ERN1: variants seen among roughly 807,000 people sequenced by gnomAD.
The protein encoded by ERN1 is serine/threonine-protein kinase/endoribonuclease IRE1.
ERN1 carries 39 observed loss-of-function variants against 113.1 expected under a neutral mutation model. The observed-to-expected ratio is 0.34, with a 90% confidence interval of 0.27 to 0.45. The LOEUF is 0.45. Ranked by LOEUF, ERN1 falls within the 20% of genes least tolerant of loss-of-function variation. ERN1 has a pLI of 1.00. For synonymous variants in ERN1, 507 were observed against 515.9 expected, an observed-to-expected ratio of 0.98 and a Z score of 0.23; for missense variants, 976 against 1,274.8, an observed-to-expected ratio of 0.77 and a Z score of 3.57.
At chr17:64,126,947 A>C (rs964314775) in intron 1 of ERN1, among the ~76,000 whole-genome samples, 1 of 152,202 alleles carries the variant, frequency 6.6e-6, no homozygotes, top group Non-Finnish European at 1.5e-5. Context: ...TTTGCCTCAC[A>C]TTGTACTGAT....
chr17:64,109,081 A>T (rs1337917743), intron 1 of ERN1, among the ~76,000 whole-genome samples: 1 of 151,912 alleles, frequency 6.6e-6, no homozygotes, highest in Non-Finnish European at 1.5e-5. Flanking sequence ...CTGAGATCGC[A>T]CCATTGCACT....
intron 6 of ERN1, among the ~76,000 whole-genome samples, chr17:64,069,623 GC>G (rs926346568): frequency 6.6e-6 from 1 of 152,136 alleles, no homozygotes; most frequent in African/African-American, 2.4e-5. Flanking sequence ...AATTACTAAG[GC>G]CCAATGTGTG....
At chr17:64,068,341 C>A in intron 6 of ERN1, 50 bp from the exon 7 acceptor site, 1 of 1,286,682 alleles carries the variant, frequency 7.8e-7, no homozygotes, top group South Asian at 1.3e-5. Context: ...GCCATAGTAC[C>A]TACTGAGGTG....
At chr17:64,090,882 G>A (rs1331939554) in intron 2 of ERN1, among the ~76,000 whole-genome samples, 3 of 152,146 alleles carry the variant, frequency 2.0e-5, no homozygotes, top group African/African-American at 4.8e-5. Flanking sequence ...ATTTGGATAT[G>A]TTTTAAACCG....
chr17:64,043,757 C>T lies in ERN1; in HGVS notation c.*231G>A, dbSNP rs1263321392. ...GGCCCTCCTTTGCAGACATCATGAC[C>T]GTAAGGCTTTTGGGGCCAGCATCTT... is the stretch of plus-strand genomic sequence containing the variant. On this transcript the variant is annotated 3_prime_UTR_variant, in exon 22 of 22. Transcript: ENST00000433197. 1.4e-5 allele frequency: 6 copies of T among 438,212 alleles called. No individual in the cohort carries two copies. Among genetic ancestry groups the T allele is most frequent in the Admixed American group, 4.0e-5 (1 of 24,716 alleles). The allele number at this position is 438,212 out of a possible 1,614,324, so 27.1% of individuals were successfully genotyped here. A position where few individuals can be genotyped will look rare whatever the true frequency, so the allele number is the denominator to read the frequency against.
At chr17:64,118,564 C>T (rs375328722) in intron 1 of ERN1, among the ~76,000 whole-genome samples, 1 of 152,202 alleles carries the variant, frequency 6.6e-6, no homozygotes. Context: ...ATTCAAAGAG[C>T]GGGCTCCCAA....
chr17:64,068,813 G>A (rs1435680814), intron 6 of ERN1, among the ~76,000 whole-genome samples: 1 of 152,186 alleles, frequency 6.6e-6, no homozygotes. Flanking sequence ...GCCATGATGA[G>A]CATGACTATT....
intron 11 of ERN1, among the ~76,000 whole-genome samples, chr17:64,059,277 C>T (rs1912976435): frequency 6.6e-6 from 1 of 152,216 alleles, no homozygotes; most frequent in African/African-American, 2.4e-5. Flanking sequence ...TCTACAATTT[C>T]CTTTGTCTCT....
In ERN1 at chr17:64,055,730, G is replaced by A. The variant is rs762971982; in HGVS notation, c.1617C>T (p.Ser539=). The A allele has an allele frequency of 4.1e-5, 66 of 1,611,238 alleles. No individual in the cohort carries two copies. In the African/African-American group the frequency reaches 4.9e-4, roughly 12 times the overall value. ...SPRASNHSLC[S]GSSASKAGSS... Reference sequence around the variant, plus strand: ...TGCCAGCCTTGGAGGCAGAGCTGCCGGAGCAGAGCGAGTGGTTGGAGGCCC... The same window carrying A: ...TGCCAGCCTTGGAGGCAGAGCTGCCAGAGCAGAGCGAGTGGTTGGAGGCCC... Residue 539 remains serine, a synonymous_variant, in exon 13 of 22, where the codon TCC becomes TCT. Coordinates refer to ENST00000433197, the MANE Select transcript of ERN1 (RefSeq NM_001433.5).
chr17:64,062,724 T>C (rs1913092123), intron 10 of ERN1, among the ~76,000 whole-genome samples: 2 of 152,360 alleles, frequency 1.3e-5, no homozygotes, highest in Admixed American at 6.5e-5. Flanking sequence ...AGCAGCCTTG[T>C]AATTGCAATG....
Position 64,108,093 on chromosome 17 carries a change from T to C in ERN1, c.55-9852A>G, listed in dbSNP as rs776770196. 1.2e-4 allele frequency among the ~76,000 whole-genome samples: 19 copies of C among 152,198 alleles called. 1 individual carries two copies. Among genetic ancestry groups the C allele is most frequent in the Non-Finnish European group, 1.6e-4 (11 of 68,026 alleles). On this transcript the variant is annotated intron_variant, in intron 1 of 21. Transcript: ENST00000433197. ...TTTCCAAACTAAGCAGCTGAGAGAGTTAAACTTTCAGTGTTTGTGGCAAGT... is the reference window on the plus strand; with the variant it reads ...TTTCCAAACTAAGCAGCTGAGAGAGCTAAACTTTCAGTGTTTGTGGCAAGT...
rs1232092758 is a variant in ERN1 at position 64,063,251 on chromosome 17, G to C, written c.1087+735C>G. Among the ~76,000 whole-genome samples the C allele has an allele frequency of 6.6e-6, 1 of 152,222 alleles. No individual in the cohort carries two copies. Among genetic ancestry groups the C allele is most frequent in the Non-Finnish European group, 1.5e-5 (1 of 68,028 alleles). Reference sequence around the variant, plus strand: ...GGGATGGGGCACAGGAAGGGCAGATGGGGTTCAAGAAAACTCCCTCCTGCT... The same window carrying C: ...GGGATGGGGCACAGGAAGGGCAGATCGGGTTCAAGAAAACTCCCTCCTGCT... On this transcript the variant is annotated intron_variant, in intron 10 of 21. Transcript: ENST00000433197. This position sits in a 1 kb window ranked among gnomAD's most constrained non-coding sequence, Gnocchi z 5.1.
intron 2 of ERN1, among the ~76,000 whole-genome samples, chr17:64,096,306 A>G (rs1914227542): frequency 6.6e-6 from 1 of 152,158 alleles, no homozygotes; most frequent in Non-Finnish European, 1.5e-5. Flanking sequence ...TGTGAACCCT[A>G]TTGTGTACTA....
At chr17:64,052,546 A>C (rs1912718482) in intron 17 of ERN1, among the ~76,000 whole-genome samples, 1 of 152,188 alleles carries the variant, frequency 6.6e-6, no homozygotes, top group Admixed American at 6.5e-5. Flanking sequence ...ACAAAAAAAA[A>C]AAACAAGTGA....
At chr17:64,061,875 A>G (rs1006901434) in intron 10 of ERN1, among the ~76,000 whole-genome samples, 2 of 152,338 alleles carry the variant, frequency 1.3e-5, no homozygotes, top group Admixed American at 6.5e-5. Context: ...ACACCCACTC[A>G]GTGCTCAGGG....
At position 64,060,591 on chromosome 17, in the gene ERN1, T is replaced by C. The variant is rs1458973615; in HGVS notation, c.1088-4A>G. The C allele has an allele frequency of 4.4e-6, 7 of 1,602,366 alleles. No homozygotes were observed. Among genetic ancestry groups the C allele is most frequent in the Non-Finnish European group, 6.0e-6 (7 of 1,169,378 alleles). On this transcript the variant is annotated splice_region_variant and splice_polypyrimidine_tract_variant and intron_variant, in intron 10 of 21. Coordinates refer to ENST00000433197, the MANE Select transcript of ERN1 (RefSeq NM_001433.5). ...GACAGTGGGGTTTCATGGTGTCCTA[T>C]GACAGGAAACAAAACCTTTAGTGAG...
intron 8 of ERN1, among the ~76,000 whole-genome samples, chr17:64,066,110 G>A (rs777947352): frequency 6.6e-6 from 1 of 152,124 alleles, no homozygotes; most frequent in Non-Finnish European, 1.5e-5. Context: ...GCTATGAAGA[G>A]GGGGATGGAG....
At chr17:64,058,757 T>C (rs1346102248) in intron 11 of ERN1, among the ~76,000 whole-genome samples, 1 of 152,106 alleles carries the variant, frequency 6.6e-6, no homozygotes, top group Non-Finnish European at 1.5e-5. Flanking sequence ...ACATGCTGAA[T>C]TTCCCACATG....
rs1350138114 is a variant in ERN1, at chr17:64,049,722, T to C, written c.2254-520A>G. Among the ~76,000 whole-genome samples, 1 of 152,158 alleles carries C rather than the reference T, an allele frequency of 6.6e-6. No homozygotes were observed. The highest frequency in any genetic ancestry group is 1.5e-5 in the Non-Finnish European group (1 of 68,032). On this transcript the variant is annotated intron_variant, in intron 17 of 21. Transcript: ENST00000433197. This position sits in a 1 kb window ranked among gnomAD's most constrained non-coding sequence, Gnocchi z 4.7. ...CAAAAACAGCCCTAGAAAGAAACTA[T>C]CTGACAAGTTACCAAGGAGGTCATG... is the stretch of plus-strand genomic sequence containing the variant.
Sources: gnomAD v4.1 joint callset for allele counts (sites outside exome capture counted in the v4.1 genomes callset) on GRCh38, gnomAD v4.1.1 for gene constraint, Gnocchi (gnomAD v3.1) non-coding constraint, MANE v1.5 for transcripts, NCBI Gene and HGNC (gene_info 2026-07-23, HGNC 2026-07-21) for gene names.